Variants in ARHGAP26 observed in about 807,000 individuals in gnomAD.
ARHGAP26 encodes the protein rho GTPase-activating protein 26.
In ARHGAP26, 38 loss-of-function variants were observed where a neutral mutation model predicts 104.8. The ratio of observed to expected loss-of-function variants is 0.36; its 90% CI spans 0.28 to 0.48. The LOEUF (loss-of-function observed/expected upper bound fraction) is 0.48. Among genes scored for constraint, ARHGAP26 ranks in the 20% least tolerant of loss-of-function variants. ARHGAP26 has a pLI of 0.99. For missense variants in ARHGAP26, 704 were observed against 947.9 expected (o/e 0.74, Z 3.38); for synonymous variants, 341 against 340.0 (o/e 1.00, Z -0.03).
intron 20 of ARHGAP26, among the ~76,000 whole-genome samples, chr5:143,186,533 T>C (rs1469335498): frequency 2.0e-5 from 3 of 152,220 alleles, no homozygotes; most frequent in Admixed American, 2.0e-4. Context: ...CAGCTTTTCT[T>C]TGAGCAAACC....
chr5:142,883,078 T>C (rs1562010489), intron 4 of ARHGAP26, among the ~76,000 whole-genome samples: 1 of 152,222 alleles, frequency 6.6e-6, no homozygotes, highest in South Asian at 2.1e-4. Flanking sequence ...AGAGGTCTTA[T>C]TGCTGTTTTC....
At position 143,222,499 on chromosome 5, in the gene ARHGAP26, T is replaced by C. The variant is rs774575692; in HGVS notation, c.*53T>C. On this transcript the variant is annotated 3_prime_UTR_variant, in exon 23 of 23. Transcript: ENST00000645722. ...TTTACATGGTATCCATGACAACTGC[T>C]GATTCCAGTGTCGAGGCCATTTCTC... 2 of 1,429,640 alleles carry C rather than the reference T, an allele frequency of 1.4e-6. No homozygotes were observed. Among genetic ancestry groups the C allele is most frequent in the Non-Finnish European group, 1.9e-6 (2 of 1,048,250 alleles). The allele number at this position is 1,429,640 out of a possible 1,614,324, so 88.6% of individuals were successfully genotyped here.
intron 20 of ARHGAP26, chr5:143,202,701 C>CA (rs1807947111): frequency 6.6e-6 from 1 of 152,182 alleles, no homozygotes; most frequent in African/African-American, 2.4e-5. Context: ...GAAACCAAAA[C>CA]AGCATGGTAC....
At chr5:142,806,625 T>G (rs1051754709) in intron 1 of ARHGAP26, among the ~76,000 whole-genome samples, 3 of 152,166 alleles carry the variant, frequency 2.0e-5, no homozygotes, top group Non-Finnish European at 4.4e-5. Flanking sequence ...TTTCTTACAT[T>G]ATTGTGTAGT....
chr5:143,124,492 C>T (rs962791016), intron 18 of ARHGAP26, among the ~76,000 whole-genome samples: 3 of 152,176 alleles, frequency 2.0e-5, no homozygotes, highest in Admixed American at 6.5e-5. Context: ...TTGACTGGGA[C>T]TGGAGGGTCC....
At chr5:143,054,614 C>A in intron 15 of ARHGAP26, 88 bp downstream of exon 15, 2 of 939,250 alleles carry the variant, frequency 2.1e-6, no homozygotes, top group Non-Finnish European at 1.6e-6. Flanking sequence ...CTCCGGAGAG[C>A]TGTCGGGTGG....
intron 11 of ARHGAP26, among the ~76,000 whole-genome samples, chr5:143,002,922 G>C (rs773226443): frequency 6.6e-6 from 1 of 152,176 alleles, no homozygotes; most frequent in Admixed American, 6.5e-5. Flanking sequence ...GTTCCTTCTA[G>C]AAGCTTGAAG....
chr5:142,926,747 C>T (rs1348949669), intron 10 of ARHGAP26, among the ~76,000 whole-genome samples: 1 of 152,106 alleles, frequency 6.6e-6, no homozygotes, highest in African/African-American at 2.4e-5. Flanking sequence ...ATGTCATTAG[C>T]ACCTGTGGGT....
At chr5:142,831,403 A>C (rs1335928828) in intron 1 of ARHGAP26, among the ~76,000 whole-genome samples, 10 of 151,476 alleles carry the variant, frequency 6.6e-5, no homozygotes. Flanking sequence ...TGTTGTCCAC[A>C]GAAGACAATC....
At chr5:142,964,676 A>G (rs1255441494) in intron 11 of ARHGAP26, among the ~76,000 whole-genome samples, 3 of 152,152 alleles carry the variant, frequency 2.0e-5, no homozygotes, top group Non-Finnish European at 4.4e-5. Context: ...ACCAAGTTTC[A>G]AAAAGACTAG....
intron 20 of ARHGAP26, among the ~76,000 whole-genome samples, chr5:143,176,208 A>AT (rs779240070): frequency 7.9e-5 from 12 of 152,210 alleles, no homozygotes; most frequent in Non-Finnish European, 1.6e-4. Context: ...TTAGCCAGAG[A>AT]TTAGCCAAGC....
At chr5:142,802,443 CTG>C (rs1281996168) in intron 1 of ARHGAP26, among the ~76,000 whole-genome samples, 2 of 152,166 alleles carry the variant, frequency 1.3e-5, no homozygotes, top group Admixed American at 6.5e-5. Flanking sequence ...TTCTTGGAAA[CTG>C]TGGCTTTAAG....
At chr5:143,212,181 A>C (rs928685207) in intron 21 of ARHGAP26, among the ~76,000 whole-genome samples, 1 of 152,098 alleles carries the variant, frequency 6.6e-6, no homozygotes, top group Admixed American at 6.5e-5. Flanking sequence ...AGAGGCAGAA[A>C]TACTGCCTCA....
rs78178247 is a variant in ARHGAP26, at chr5:143,220,455, A to G, written c.2192-1903A>G. On this transcript the variant is annotated intron_variant, in intron 22 of 22. Transcript: ENST00000645722. Reference sequence around the variant, plus strand: ...ACCAGCTCCTTTCATATTTGCAAGAACCCAGTAAAGGGAAGAGGGTCTTGT... The same window carrying G: ...ACCAGCTCCTTTCATATTTGCAAGAGCCCAGTAAAGGGAAGAGGGTCTTGT... 5.7e-3 allele frequency among the ~76,000 whole-genome samples: 870 copies of G among 152,304 alleles called. 4 individuals are homozygous for G. Among genetic ancestry groups the G allele is most frequent in the African/African-American group, 0.02 (828 of 41,558 alleles).
At chr5:142,916,475 A>C (rs1180151160) in intron 10 of ARHGAP26, among the ~76,000 whole-genome samples, 1 of 152,166 alleles carries the variant, frequency 6.6e-6, no homozygotes, top group Non-Finnish European at 1.5e-5. Flanking sequence ...GAGACCCTGA[A>C]ATCCATATTT....
At chr5:142,898,175 TACAC>T (rs10571226) in intron 6 of ARHGAP26, among the ~76,000 whole-genome samples, 108 of 149,820 alleles carry the variant, frequency 7.2e-4, no homozygotes, top group African/African-American at 2.3e-3. Context: ...CACACACACA[TACAC>T]ACACACACAC....
Position 142,988,378 on chromosome 5 carries a change from T to C in ARHGAP26, c.1108-25702T>C, listed in dbSNP as rs1197631929. On this transcript the variant is annotated intron_variant, in intron 11 of 22. Transcript: ENST00000645722. ...TTATTGTTTCTAGTTTATTCTTCTCTCTTTTCTTCTTTATTAGTCTTGCTA... is the reference window on the plus strand; with the variant it reads ...TTATTGTTTCTAGTTTATTCTTCTCCCTTTTCTTCTTTATTAGTCTTGCTA... Among the ~76,000 whole-genome samples, 3 of 152,290 alleles carry C rather than the reference T, an allele frequency of 2.0e-5. No homozygotes were observed. The East Asian group carries it at 5.8e-4, about 29-fold the overall frequency.
chr5:143,226,100 G>A lies in ARHGAP26; in HGVS notation c.*3654G>A, dbSNP rs1290579179. On this transcript the variant is annotated 3_prime_UTR_variant, in exon 23 of 23. Transcript: ENST00000645722. ...CTCCAGTTTCCTTTGTAAGACCCAG[G>A]GATCACTTAGCCATAGCCTGAATCT... The A allele has an allele frequency of 9.8e-6, 2 of 204,976 alleles. No individual in the cohort carries two copies. Among genetic ancestry groups the A allele is most frequent in the East Asian group, 7.4e-5 (1 of 13,524 alleles). 12.7% of individuals were successfully genotyped at this position (204,976 alleles called of 1,614,324 possible).
intron 18 of ARHGAP26, among the ~76,000 whole-genome samples, chr5:143,126,635 T>C (rs75408998): frequency 0.024 from 3,628 of 152,310 alleles, 153 homozygotes; most frequent in African/African-American, 0.082. Flanking sequence ...TTAATTTGTT[T>C]CTTTTTGCCA....
Sources: gnomAD v4.1 joint callset for allele counts (sites outside exome capture counted in the v4.1 genomes callset) on GRCh38, gnomAD v4.1.1 for gene constraint, MANE v1.5 for transcripts, NCBI Gene and HGNC (gene_info 2026-07-23, HGNC 2026-07-21) for gene names.